Variants in MCF2L2 observed in about 807,000 individuals in gnomAD.
The protein encoded by MCF2L2 is MCF.2 cell line derived transforming sequence-like 2, also known as probable guanine nucleotide exchange factor MCF2L2.
Under a neutral mutation model 150.2 loss-of-function variants are expected in MCF2L2, and 102 were observed. The ratio of observed to expected loss-of-function variants is 0.68; its 90% CI spans 0.58 to 0.80. MCF2L2 has a LOEUF of 0.80. Among genes scored for constraint, MCF2L2 ranks in the 30% least tolerant of loss-of-function variants. The probability of loss-of-function intolerance (pLI) is 0.00; values close to 1 mark genes in which losing one functional copy is unlikely to be tolerated. For synonymous variants in MCF2L2, 465 were observed against 491.3 expected (o/e 0.95, Z 0.71); for missense variants, 1,256 against 1,372.8 (o/e 0.91, Z 1.34).
chr3:183,302,188 T>A (rs980543352), intron 10 of MCF2L2, among the ~76,000 whole-genome samples: 1 of 152,220 alleles, frequency 6.6e-6, no homozygotes, highest in Non-Finnish European at 1.5e-5. Context: ...AAGAAGCTTG[T>A]GCCTGGTTTC....
intron 1 of MCF2L2, among the ~76,000 whole-genome samples, chr3:183,420,941 T>G (rs73186909): frequency 0.085 from 12,884 of 152,268 alleles, 566 homozygotes; most frequent in African/African-American, 0.095. Flanking sequence ...GACACAGAGC[T>G]AAACTATATC....
chr3:183,360,324 C>T (rs1712056134), intron 3 of MCF2L2, among the ~76,000 whole-genome samples: 2 of 152,106 alleles, frequency 1.3e-5, no homozygotes, highest in Admixed American at 6.5e-5. Flanking sequence ...TCCCAGAACT[C>T]TGGGACTCTG....
chr3:183,201,588 T>C (rs1339756309), intron 25 of MCF2L2, among the ~76,000 whole-genome samples: 10 of 152,204 alleles, frequency 6.6e-5, no homozygotes. Flanking sequence ...AATTTGACTT[T>C]CTCTTTTCCT....
chr3:183,216,562 A>ATATAT (rs1320797225), intron 21 of MCF2L2, among the ~76,000 whole-genome samples: 2 of 3,354 alleles, frequency 6.0e-4, no homozygotes, highest in African/African-American at 2.0e-3. Context: ...TTATATATAT[A>ATATAT]TATATATATA....
intron 11 of MCF2L2, chr3:183,298,765 G>GCGCGCACGCGCGCGCGCACACACACA: frequency 7.2e-6 from 1 of 138,500 alleles, no homozygotes; most frequent in African/African-American, 2.9e-5. Context: ...AAACACACAT[G>GCGCGCACGCGCGCGCGCACACACACA]CACACACACA....
intron 14 of MCF2L2, among the ~76,000 whole-genome samples, chr3:183,281,313 G>A (rs2108466664): frequency 6.6e-6 from 1 of 151,330 alleles, no homozygotes; most frequent in Non-Finnish European, 1.5e-5. Flanking sequence ...GGAATGAGTG[G>A]CTCTGTCTTC....
intron 2 of MCF2L2, among the ~76,000 whole-genome samples, chr3:183,388,942 T>C (rs1459225591): frequency 6.6e-6 from 1 of 152,192 alleles, no homozygotes; most frequent in Non-Finnish European, 1.5e-5. Context: ...CTAAGATGGC[T>C]TTGTTGTTTT....
intron 1 of MCF2L2, among the ~76,000 whole-genome samples, chr3:183,407,907 G>A (rs78958620): frequency 0.034 from 5,146 of 152,204 alleles, 137 homozygotes; most frequent in African/African-American, 0.059. Flanking sequence ...TTCACGGCGG[G>A]GGAGAAAAAA....
At chr3:183,222,148 G>A (rs1723171192) in intron 20 of MCF2L2, among the ~76,000 whole-genome samples, 1 of 152,208 alleles carries the variant, frequency 6.6e-6, no homozygotes, top group South Asian at 2.1e-4. Flanking sequence ...GACTACAGGT[G>A]TGTGTTATCA....
chr3:183,364,086 G>A (rs969546803), intron 3 of MCF2L2, among the ~76,000 whole-genome samples: 4 of 152,174 alleles, frequency 2.6e-5, no homozygotes, highest in African/African-American at 9.6e-5. Context: ...TTGTGGGTTT[G>A]TTTAAAGCAG....
At position 183,300,103 on chromosome 3, in the gene MCF2L2, C is replaced by A. The variant is rs776538962; in HGVS notation, c.1207G>T (p.Val403Leu). The A allele has an allele frequency of 6.2e-7, 1 of 1,613,848 alleles. No individual in the cohort carries two copies. Among genetic ancestry groups the A allele is most frequent in the African/African-American group, 1.3e-5 (1 of 74,896 alleles). The change falls in exon 11 of 30, where the codon GTG becomes TTG. Residue 403 changes from valine to leucine, a missense_variant. Val to Leu is a conservative substitution (Grantham distance 32). Transcript: ENST00000328913. ...TCGTCACAGAGGTGCCTGAGCTCCA[C>A]ACACCGGGGCCTGATGGCATCTGCT... ...YAADAIRPRC[V>L]ELRHLCDDFI...
chr3:183,211,777 G>A (rs1722732723), intron 22 of MCF2L2, among the ~76,000 whole-genome samples: 1 of 152,134 alleles, frequency 6.6e-6, no homozygotes, highest in Non-Finnish European at 1.5e-5. Flanking sequence ...GGCATTTAGT[G>A]GTGCTTGGGA....
chr3:183,322,010 C>G (rs1276211402), intron 6 of MCF2L2, among the ~76,000 whole-genome samples: 1 of 152,238 alleles, frequency 6.6e-6, no homozygotes, highest in African/African-American at 2.4e-5. Context: ...CATAACAGCT[C>G]CCTTCAACCT....
chr3:183,207,989 G>T (rs115764536), intron 22 of MCF2L2, among the ~76,000 whole-genome samples, 166 bp from the exon 23 acceptor site: 5,971 of 152,250 alleles, frequency 0.039, 211 homozygotes, highest in Non-Finnish European at 0.053. Flanking sequence ...ACAATTTTTT[G>T]AGCTTCACTG....
At chr3:183,247,260 A>G (rs1724300426) in intron 15 of MCF2L2, among the ~76,000 whole-genome samples, 1 of 152,180 alleles carries the variant, frequency 6.6e-6, no homozygotes, top group Admixed American at 6.5e-5. Context: ...AACAGTGCCC[A>G]CTTTTCTGAC....
At chr3:183,303,708 C>T (rs1239410789) in intron 10 of MCF2L2, among the ~76,000 whole-genome samples, 2 of 152,270 alleles carry the variant, frequency 1.3e-5, no homozygotes, top group African/African-American at 4.8e-5. Flanking sequence ...GACAACTGGT[C>T]TCCCTGCTTT....
intron 15 of MCF2L2, among the ~76,000 whole-genome samples, chr3:183,264,209 A>C (rs1725888767): frequency 6.6e-6 from 1 of 152,180 alleles, no homozygotes; most frequent in Admixed American, 6.5e-5. Context: ...CTCTGCTTTC[A>C]AATCTTCTAT....
chr3:183,313,665 C>A (rs78764401), intron 7 of MCF2L2, among the ~76,000 whole-genome samples: 1 of 152,188 alleles, frequency 6.6e-6, no homozygotes, highest in South Asian at 2.1e-4. Context: ...AGAAAATAAA[C>A]TTTTTGGGTA....
chr3:183,219,750 T>C, intron 21 of MCF2L2, 106 bp downstream of exon 21: 1 of 725,928 alleles, frequency 1.4e-6, no homozygotes, highest in Admixed American at 2.5e-5. Flanking sequence ...TTTTAGAAAA[T>C]CTAGATAATA....
Sources: allele counts gnomAD v4.1 joint callset (sites outside exome capture counted in the v4.1 genomes callset), GRCh38; gene constraint gnomAD v4.1.1; transcripts MANE v1.5; gene names NCBI Gene and HGNC (gene_info 2026-07-23, HGNC 2026-07-21).